The following RALGAPA1 variants were observed in gnomAD, a reference collection of about 807,000 sequenced individuals.
The protein encoded by RALGAPA1 is Ral GTPase activating protein catalytic subunit alpha 1.
Under a neutral mutation model 269.6 loss-of-function variants are expected in RALGAPA1, and 52 were observed. That is an observed-to-expected ratio of 0.19 (90% CI 0.15 to 0.24). RALGAPA1 has a LOEUF of 0.24. RALGAPA1 is among the 10% of genes least tolerant of loss of function. The pLI, the probability that RALGAPA1 is intolerant of heterozygous loss-of-function variation, is 1.00. For synonymous variants in RALGAPA1, 817 were observed against 1,008.3 expected (o/e 0.81, Z 3.60); for missense variants, 1,917 against 3,013.9 (o/e 0.64, Z 8.52).
At chr14:35,763,416 C>G (rs1406101197) in intron 4 of RALGAPA1, among the ~76,000 whole-genome samples, 1 of 152,076 alleles carries the variant, frequency 6.6e-6, no homozygotes, top group Non-Finnish European at 1.5e-5. Flanking sequence ...AAACCATTAT[C>G]TAGGCTTTGG....
chr14:35,685,224 C>T (rs2140397549), intron 19 of RALGAPA1, 79 bp from the exon 20 acceptor site: 1 of 1,255,606 alleles, frequency 8.0e-7, no homozygotes, highest in Non-Finnish European at 1.1e-6. Flanking sequence ...AATTTCCAAA[C>T]CATCACAATA....
chr14:35,610,776 T>C (rs2059881217), intron 35 of RALGAPA1, among the ~76,000 whole-genome samples: 1 of 152,156 alleles, frequency 6.6e-6, no homozygotes, highest in Non-Finnish European at 1.5e-5. Flanking sequence ...AATAAACAAG[T>C]TCAGCAAGGC....
chr14:35,614,603 AG>A (rs779239074), intron 35 of RALGAPA1, among the ~76,000 whole-genome samples: 5 of 152,172 alleles, frequency 3.3e-5, no homozygotes, highest in Non-Finnish European at 7.4e-5. Context: ...TTCTTTTCAG[AG>A]GGACTAAAAT....
chr14:35,567,126 T>G (rs976980555), intron 39 of RALGAPA1, among the ~76,000 whole-genome samples: 10 of 151,890 alleles, frequency 6.6e-5, no homozygotes, highest in Non-Finnish European at 4.4e-5. Flanking sequence ...CAGAAGTAAT[T>G]TTGCTGGTAG....
intron 37 of RALGAPA1, among the ~76,000 whole-genome samples, chr14:35,577,164 T>C (rs2057621467): frequency 6.6e-6 from 1 of 152,200 alleles, no homozygotes; most frequent in African/African-American, 2.4e-5. Context: ...GGCACTGACA[T>C]GAAGCTCACG....
chr14:35,800,258 G>A (rs149755839), intron 1 of RALGAPA1, among the ~76,000 whole-genome samples: 1 of 152,238 alleles, frequency 6.6e-6, no homozygotes, highest in Non-Finnish European at 1.5e-5. Context: ...GACATTTTTC[G>A]AACACCTAAC....
intron 10 of RALGAPA1, among the ~76,000 whole-genome samples, chr14:35,744,110 G>A (rs893368142): frequency 2.0e-5 from 3 of 152,038 alleles, no homozygotes; most frequent in East Asian, 1.9e-4. Context: ...GGTGGCTCAC[G>A]CCTGTAATCC....
At chr14:35,573,612 G>A (rs566139823) in intron 37 of RALGAPA1, among the ~76,000 whole-genome samples, 1 of 152,200 alleles carries the variant, frequency 6.6e-6, no homozygotes, top group South Asian at 2.1e-4. Context: ...TTTGGCTTAA[G>A]GATGAACATA....
At chr14:35,753,305 C>T (rs565549037) in intron 7 of RALGAPA1, among the ~76,000 whole-genome samples, 115 of 152,166 alleles carry the variant, frequency 7.6e-4, no homozygotes, top group African/African-American at 2.5e-3. Flanking sequence ...TGCATAAATC[C>T]GTCTTGAGAT....
intron 31 of RALGAPA1, among the ~76,000 whole-genome samples, chr14:35,636,566 G>A (rs575985883): frequency 4.6e-5 from 7 of 152,166 alleles, no homozygotes; most frequent in South Asian, 2.1e-4. Context: ...TGTCACCCAG[G>A]CTGGAGTGCA....
chr14:35,771,896 T>C (rs1458289299), intron 3 of RALGAPA1, among the ~76,000 whole-genome samples: 2 of 152,240 alleles, frequency 1.3e-5, no homozygotes, highest in East Asian at 1.9e-4. Context: ...CAGATATTAA[T>C]ATTTGTGACA....
At chr14:35,763,196 C>CT (rs58053879) in intron 4 of RALGAPA1, among the ~76,000 whole-genome samples, 4 of 151,844 alleles carry the variant, frequency 2.6e-5, no homozygotes, top group Non-Finnish European at 5.9e-5. Context: ...TTAATATTTC[C>CT]TTTTTTCTTT....
At chr14:35,556,220 AGGATCTCAT>A (rs1414304857) in intron 39 of RALGAPA1, among the ~76,000 whole-genome samples, 1 of 152,192 alleles carries the variant, frequency 6.6e-6, no homozygotes, top group Non-Finnish European at 1.5e-5. Context: ...GTACATCTCA[AGGATCTCAT>A]GGTTATTATC....
intron 4 of RALGAPA1, chr14:35,766,222 T>C: frequency 1.2e-6 from 1 of 815,242 alleles, no homozygotes; most frequent in Non-Finnish European, 2.2e-6. Flanking sequence ...TTGATGGAAG[T>C]GCAAGGAATC....
At chr14:35,581,636 A>G (rs2057955535) in intron 37 of RALGAPA1, among the ~76,000 whole-genome samples, 1 of 152,206 alleles carries the variant, frequency 6.6e-6, no homozygotes. Context: ...AAAGATGCTC[A>G]ATATCATTAG....
chr14:35,658,837 T>C (rs992057082), intron 28 of RALGAPA1, among the ~76,000 whole-genome samples: 8 of 151,808 alleles, frequency 5.3e-5, no homozygotes, highest in South Asian at 2.1e-4. Flanking sequence ...ATAAAAGACA[T>C]TGACAAATAT....
chr14:35,741,404 T>G (rs890367915), intron 11 of RALGAPA1, among the ~76,000 whole-genome samples: 2 of 152,084 alleles, frequency 1.3e-5, no homozygotes, highest in African/African-American at 2.4e-5. Context: ...CTCAGTTACA[T>G]TTTTCCCTTT....
At chr14:35,614,388 G>A (rs1380505741) in intron 35 of RALGAPA1, among the ~76,000 whole-genome samples, 1 of 151,962 alleles carries the variant, frequency 6.6e-6, no homozygotes, top group Admixed American at 6.6e-5. Flanking sequence ...GTAATAAAAA[G>A]AAATAAAGTA....
At chr14:35,711,245 T>C (rs1305476035) in intron 16 of RALGAPA1, among the ~76,000 whole-genome samples, 1 of 152,236 alleles carries the variant, frequency 6.6e-6, no homozygotes, top group African/African-American at 2.4e-5. Flanking sequence ...ACTGCTATAG[T>C]TAACACTGTA....
Sources: allele counts gnomAD v4.1 joint callset (sites outside exome capture counted in the v4.1 genomes callset), GRCh38; gene constraint gnomAD v4.1.1; transcripts MANE v1.5; gene names NCBI Gene and HGNC (gene_info 2026-07-23, HGNC 2026-07-21).